The following SAMD5 variants were observed in gnomAD, a reference collection of about 807,000 sequenced individuals.
SAMD5 encodes the protein sterile alpha motif domain-containing protein 5.
Under a neutral mutation model 11.3 loss-of-function variants are expected in SAMD5, and 13 were observed. The observed-to-expected ratio is 1.15, with a 90% CI of 0.75 to 1.83. SAMD5 has a LOEUF of 1.83. Among genes scored for constraint, SAMD5 ranks in the 40% most tolerant of loss-of-function variants. The pLI is 0.00. For missense variants in SAMD5, 255 were observed against 239.1 expected, an observed-to-expected ratio of 1.07 and a Z score of -0.44; for synonymous variants, 129 against 111.3, an observed-to-expected ratio of 1.16 and a Z score of -1.00.
At chr6:147,943,067 C>T in the SAMD5 span, among the ~76,000 whole-genome samples, 457 of 152,052 alleles carry the variant, frequency 3.0e-3, 4 homozygotes, top group African/African-American at 0.011. Context: ...GTGATTCACC[C>T]GCCTCGGCCT....
At chr6:147,690,243 T>A (rs1791081573) in intron 1 of SAMD5, among the ~76,000 whole-genome samples, 1 of 152,264 alleles carries the variant, frequency 6.6e-6, no homozygotes, top group African/African-American at 2.4e-5. Context: ...TCTGTGGCAC[T>A]TCACTTGATA....
At chr6:147,583,419 C>A (rs543358456) in intron 1 of SAMD5, among the ~76,000 whole-genome samples, 1 of 152,258 alleles carries the variant, frequency 6.6e-6, no homozygotes, top group East Asian at 1.9e-4. Context: ...TTATTTAAAA[C>A]GTATTAAGGA....
At chr6:147,591,399 A>G (rs1305046161) in intron 1 of SAMD5, among the ~76,000 whole-genome samples, 4 of 152,098 alleles carry the variant, frequency 2.6e-5, no homozygotes. Flanking sequence ...GCGCTCAGGG[A>G]GTGTTCACTG....
At chr6:147,713,430 T>C (rs1791426043) in intron 1 of SAMD5, among the ~76,000 whole-genome samples, 1 of 152,124 alleles carries the variant, frequency 6.6e-6, no homozygotes. Flanking sequence ...GGACATAACC[T>C]GGGTTGTTCT....
At chr6:147,918,505 G>A in the SAMD5 span, among the ~76,000 whole-genome samples, 2 of 151,994 alleles carry the variant, frequency 1.3e-5, no homozygotes, top group Non-Finnish European at 2.9e-5. Flanking sequence ...GGGCAATCAG[G>A]CAGGAGAAAG....
intron 1 of SAMD5, among the ~76,000 whole-genome samples, chr6:147,541,201 C>G (rs999156141): frequency 1.3e-5 from 2 of 152,098 alleles, no homozygotes; most frequent in African/African-American, 4.8e-5. Context: ...CCGCCAGCCT[C>G]AGTCCCCCAA....
At chr6:147,764,097 A>G in the SAMD5 span, among the ~76,000 whole-genome samples, 1 of 152,226 alleles carries the variant, frequency 6.6e-6, no homozygotes, top group Non-Finnish European at 1.5e-5. Context: ...GTGGGGGAAG[A>G]AAAGTAATTC....
chr6:147,795,175 A>G, the SAMD5 span, among the ~76,000 whole-genome samples: 1 of 143,208 alleles, frequency 7.0e-6, no homozygotes, highest in Non-Finnish European at 1.5e-5. Context: ...CTAACTCGTC[A>G]TCTAGCATTA....
the SAMD5 span, among the ~76,000 whole-genome samples, chr6:147,916,190 G>A: frequency 3.9e-5 from 6 of 152,028 alleles, no homozygotes; most frequent in East Asian, 1.2e-3. Context: ...CTTTGCTATT[G>A]TGAATAGTGC....
At chr6:147,872,291 T>C in the SAMD5 span, among the ~76,000 whole-genome samples, 1 of 151,574 alleles carries the variant, frequency 6.6e-6, no homozygotes, top group Non-Finnish European at 1.5e-5. Context: ...AGAGATGGGG[T>C]CTTGCTCTGT....
At chr6:147,710,978 G>A (rs775870543) in intron 1 of SAMD5, among the ~76,000 whole-genome samples, 6 of 151,174 alleles carry the variant, frequency 4.0e-5, no homozygotes, top group Non-Finnish European at 7.4e-5. Context: ...GAAAGAAGGT[G>A]GGGAGGAGGG....
chr6:147,535,212 G>A (rs1470132049), intron 1 of SAMD5, among the ~76,000 whole-genome samples: 1 of 152,178 alleles, frequency 6.6e-6, no homozygotes, highest in Non-Finnish European at 1.5e-5. Flanking sequence ...AAGGTGAGAA[G>A]CGTGTAACCG....
chr6:147,639,774 C>A (rs1279705886), intron 1 of SAMD5, among the ~76,000 whole-genome samples: 1 of 152,146 alleles, frequency 6.6e-6, no homozygotes, highest in East Asian at 1.9e-4. Context: ...TCAGATTGAT[C>A]AGTTTGAACA....
At chr6:147,881,327 A>T in the SAMD5 span, among the ~76,000 whole-genome samples, 1 of 152,154 alleles carries the variant, frequency 6.6e-6, no homozygotes, top group African/African-American at 2.4e-5. Flanking sequence ...TTCTAACAGG[A>T]TCATTTAGAT....
intron 1 of SAMD5, among the ~76,000 whole-genome samples, chr6:147,702,890 T>C (rs1490594064): frequency 6.6e-6 from 1 of 152,132 alleles, no homozygotes; most frequent in African/African-American, 2.4e-5. Context: ...TTTTCTATCT[T>C]GAATTGTATT....
downstream of SAMD5, among the ~76,000 whole-genome samples, chr6:147,572,576 A>G (rs1304344524): frequency 2.0e-5 from 3 of 152,128 alleles, no homozygotes; most frequent in Non-Finnish European, 4.4e-5. Flanking sequence ...TCTGGGCTCA[A>G]GAGATCCTCC....
At chr6:147,644,312 T>C (rs1790364093) in intron 1 of SAMD5, among the ~76,000 whole-genome samples, 1 of 152,168 alleles carries the variant, frequency 6.6e-6, no homozygotes, top group Admixed American at 6.5e-5. Flanking sequence ...TTAGGAGAGT[T>C]GGGAGTGGAC....
At chr6:147,622,021 GAGA>G (rs77815205) in intron 1 of SAMD5, among the ~76,000 whole-genome samples, 10,641 of 152,282 alleles carry the variant, frequency 0.07, 434 homozygotes, top group Middle Eastern at 0.13. Context: ...TAGATGAAGA[GAGA>G]AGATGAAGAG....
the SAMD5 span, among the ~76,000 whole-genome samples, chr6:147,804,247 A>G: frequency 6.6e-6 from 1 of 151,690 alleles, no homozygotes; most frequent in Non-Finnish European, 1.5e-5. Context: ...AGCTGGGACT[A>G]CAGGTGCACA....
Sources: allele counts gnomAD v4.1 joint callset (sites outside exome capture counted in the v4.1 genomes callset), GRCh38; gene constraint gnomAD v4.1.1; transcripts MANE v1.5; gene names NCBI Gene and HGNC (gene_info 2026-07-23, HGNC 2026-07-21).